The following CCDC7 variants were observed in gnomAD, a reference collection of about 807,000 sequenced individuals.
The protein encoded by CCDC7 is coiled-coil domain containing 7, also known as coiled-coil domain-containing protein 7.
In CCDC7, 183 loss-of-function variants were observed where a neutral mutation model predicts 196.9. The ratio of observed to expected loss-of-function variants is 0.93; its 90% CI spans 0.82 to 1.05. The LOEUF (loss-of-function observed/expected upper bound fraction) is 1.05. Ranked by LOEUF, CCDC7 falls within the 50% of genes least tolerant of loss-of-function variation. The pLI is 0.00. For missense variants in CCDC7, 1,540 were observed against 1,482.2 expected (o/e 1.04, Z -0.64); for synonymous variants, 525 against 484.6 (o/e 1.08, Z -1.10).
At chr10:32,776,236 C>T (rs1477255429) in intron 28 of CCDC7, among the ~76,000 whole-genome samples, 1 of 150,736 alleles carries the variant, frequency 6.6e-6, no homozygotes, top group East Asian at 2.0e-4. Flanking sequence ...ACATATGTAA[C>T]TAACCTGCAC....
chr10:32,882,125 G>A (rs1181155604), downstream of CCDC7, among the ~76,000 whole-genome samples: 1 of 152,134 alleles, frequency 6.6e-6, no homozygotes, highest in Admixed American at 6.6e-5. Flanking sequence ...CTTTATTAAA[G>A]ACCATTGCAA....
chr10:32,818,088 A>G (rs2089219072), intron 31 of CCDC7, among the ~76,000 whole-genome samples: 1 of 152,186 alleles, frequency 6.6e-6, no homozygotes, highest in African/African-American at 2.4e-5. Context: ...GTATTCAGGA[A>G]ACCCATCTCA....
downstream of CCDC7, among the ~76,000 whole-genome samples, chr10:32,879,183 A>C (rs1010086764): frequency 4.6e-5 from 7 of 151,158 alleles, no homozygotes; most frequent in Non-Finnish European, 1.0e-4. Flanking sequence ...TTTTTAAAAA[A>C]ATTTTGATTA....
At chr10:32,832,785 G>A (rs376519182) in intron 32 of CCDC7, among the ~76,000 whole-genome samples, 4 of 151,842 alleles carry the variant, frequency 2.6e-5, no homozygotes, top group Non-Finnish European at 5.9e-5. Context: ...TGCATATTTT[G>A]TTCTTTTCTT....
intron 24 of CCDC7, among the ~76,000 whole-genome samples, chr10:32,706,927 T>C (rs2079872842): frequency 6.6e-6 from 1 of 152,146 alleles, no homozygotes; most frequent in Non-Finnish European, 1.5e-5. Context: ...GTGAAATTAT[T>C]CCAATCAGTA....
intron 21 of CCDC7, among the ~76,000 whole-genome samples, chr10:32,685,411 C>G (rs1339285864): frequency 6.6e-6 from 1 of 152,054 alleles, no homozygotes; most frequent in African/African-American, 2.4e-5. Flanking sequence ...TTGTTTTAGG[C>G]TTTTAGCAGC....
chr10:32,755,986 CAAGTGGAAG>C (rs1376685779), intron 28 of CCDC7, among the ~76,000 whole-genome samples: 1 of 152,012 alleles, frequency 6.6e-6, no homozygotes, highest in Non-Finnish European at 1.5e-5. Flanking sequence ...CCAATTCAAT[CAAGTGGAAG>C]AAAGGGTATC....
At chr10:32,688,490 G>T (rs1414551) in intron 22 of CCDC7, among the ~76,000 whole-genome samples, 140,558 of 152,136 alleles carry the variant, frequency 0.92, 65,898 homozygotes, top group East Asian at 1. Context: ...TTCCTCTTCT[G>T]TCTTACCTAA....
At chr10:32,856,984 C>T (rs562991767) in intron 41 of CCDC7, among the ~76,000 whole-genome samples, 3 of 152,286 alleles carry the variant, frequency 2.0e-5, no homozygotes, top group African/African-American at 7.2e-5. Flanking sequence ...CAGACCCCAG[C>T]TCCACAGCCA....
At chr10:32,577,336 C>T (rs992292929) in intron 16 of CCDC7, among the ~76,000 whole-genome samples, 5 of 151,948 alleles carry the variant, frequency 3.3e-5, no homozygotes, top group African/African-American at 9.7e-5. Context: ...GGTGACAGAG[C>T]GAGACTCCAT....
At chr10:32,637,055 C>T (rs190204102) in intron 20 of CCDC7, among the ~76,000 whole-genome samples, 20 of 152,212 alleles carry the variant, frequency 1.3e-4, no homozygotes, top group Admixed American at 6.5e-4. Context: ...TCATATCTTT[C>T]GCCCACTTTT....
intron 30 of CCDC7, among the ~76,000 whole-genome samples, chr10:32,806,102 G>A (rs1433619346): frequency 6.6e-6 from 1 of 152,116 alleles, no homozygotes; most frequent in Non-Finnish European, 1.5e-5. Flanking sequence ...ACACAAACAC[G>A]TCCCACCTCC....
intron 27 of CCDC7, 41 bp from the exon 29 acceptor site, chr10:32,729,291 T>C: frequency 6.7e-7 from 1 of 1,500,422 alleles, no homozygotes; most frequent in Non-Finnish European, 9.0e-7. Flanking sequence ...TTACTTGGCA[T>C]ATCCAGAAGT....
chr10:32,646,148 TC>T (rs918250856), intron 20 of CCDC7, among the ~76,000 whole-genome samples: 10 of 152,046 alleles, frequency 6.6e-5, no homozygotes, highest in African/African-American at 1.7e-4. Context: ...TAGTTTTTTT[TC>T]ATGTAGGTGT....
rs567284553 is a variant in CCDC7, at chr10:32,703,230, C to T, written c.2458+8238C>T. Among the ~76,000 whole-genome samples, 6 of 152,166 alleles carry T rather than the reference C, an allele frequency of 3.9e-5. No individual in the cohort carries two copies. The South Asian group carries it at 8.3e-4, about 21-fold the overall frequency. On this transcript the variant is annotated intron_variant, in intron 24 of 41. Transcript: ENST00000639629. ...GCCTGGTGGTGACAAAATCTCTCAG[C>T]ACTTGCTTGTTTGTAAAGGATTTTA...
At chr10:32,829,322 A>G (rs1022362707) in intron 32 of CCDC7, among the ~76,000 whole-genome samples, 2 of 152,210 alleles carry the variant, frequency 1.3e-5, no homozygotes, top group Non-Finnish European at 2.9e-5. Flanking sequence ...TACAGAATGC[A>G]TAAGTAGAAG....
intron 13 of CCDC7, among the ~76,000 whole-genome samples, chr10:32,560,304 T>A (rs1298132350): frequency 6.6e-6 from 1 of 152,044 alleles, no homozygotes; most frequent in African/African-American, 2.4e-5. Context: ...AACACTCAGA[T>A]TCAGGAAATA....
At chr10:32,736,786 A>G (rs547398436) in intron 28 of CCDC7, among the ~76,000 whole-genome samples, 1 of 152,260 alleles carries the variant, frequency 6.6e-6, no homozygotes, top group East Asian at 1.9e-4. Context: ...CCTTGCTATA[A>G]TGACCTATTA....
At chr10:32,641,290 A>T (rs145407851) in intron 20 of CCDC7, among the ~76,000 whole-genome samples, 291 of 152,302 alleles carry the variant, frequency 1.9e-3, no homozygotes, top group Non-Finnish European at 3.5e-3. Flanking sequence ...CAGATACACC[A>T]ATCAGATGTA....
Sources: gnomAD v4.1 joint callset for allele counts (sites outside exome capture counted in the v4.1 genomes callset) on GRCh38, gnomAD v4.1.1 for gene constraint, MANE v1.5 for transcripts, NCBI Gene and HGNC (gene_info 2026-07-23, HGNC 2026-07-21) for gene names.